The following PLS1 variants were observed in gnomAD, a reference collection of about 807,000 sequenced individuals.
PLS1 encodes the protein plastin-1.
Under a neutral mutation model 73.7 loss-of-function variants are expected in PLS1, and 32 were observed. The observed-to-expected ratio is 0.43, with a 90% confidence interval of 0.33 to 0.58. The LOEUF is 0.58. Among genes scored for constraint, PLS1 ranks in the 20% least tolerant of loss-of-function variants. The pLI, the probability that PLS1 is intolerant of heterozygous loss-of-function variation, is 0.04. For missense variants in PLS1, 633 were observed against 740.5 expected, an observed-to-expected ratio of 0.85 and a Z score of 1.68; for synonymous variants, 217 against 261.3, an observed-to-expected ratio of 0.83 and a Z score of 1.63.
intron 6 of PLS1, among the ~76,000 whole-genome samples, chr3:142,681,843 A>C (rs1314511736): frequency 6.6e-6 from 1 of 152,206 alleles, no homozygotes; most frequent in Non-Finnish European, 1.5e-5. Context: ...AGAAACTACC[A>C]TTTACTTGAA....
chr3:142,601,139 A>G (rs2108532519), intron 1 of PLS1, among the ~76,000 whole-genome samples: 2 of 149,300 alleles, frequency 1.3e-5, no homozygotes, highest in Admixed American at 1.3e-4. Flanking sequence ...GTTAGCCAGG[A>G]TGGTCTCGAT....
chr3:142,646,598 C>G (rs1013285885), intron 1 of PLS1, among the ~76,000 whole-genome samples: 1 of 152,246 alleles, frequency 6.6e-6, no homozygotes, highest in Non-Finnish European at 1.5e-5. Flanking sequence ...CACACAACAT[C>G]CTGGGAACTA....
chr3:142,599,184 ATAAATAAAT>A (rs2035867078), intron 1 of PLS1, among the ~76,000 whole-genome samples: 1 of 147,384 alleles, frequency 6.8e-6, no homozygotes, highest in African/African-American at 2.5e-5. Context: ...GAATGAATAA[ATAAATAAAT>A]AAATAAATAA....
chr3:142,701,813 C>A (rs1367357323), intron 12 of PLS1, among the ~76,000 whole-genome samples: 1 of 152,192 alleles, frequency 6.6e-6, no homozygotes, highest in African/African-American at 2.4e-5. Flanking sequence ...GTGATTACTG[C>A]AGTTTGCTAT....
intron 1 of PLS1, among the ~76,000 whole-genome samples, chr3:142,661,166 C>T (rs922932670): frequency 6.6e-6 from 1 of 152,102 alleles, no homozygotes; most frequent in Non-Finnish European, 1.5e-5. Flanking sequence ...CCTAAAAAAA[C>T]TATTTAATCT....
intron 1 of PLS1, among the ~76,000 whole-genome samples, chr3:142,625,935 C>T (rs1577792484): frequency 1.3e-5 from 2 of 152,324 alleles, no homozygotes; most frequent in African/African-American, 4.8e-5. Context: ...AATTGTGCCA[C>T]TGCACTCCAG....
At chr3:142,602,639 A>T (rs1023179931) in intron 1 of PLS1, among the ~76,000 whole-genome samples, 3 of 151,984 alleles carry the variant, frequency 2.0e-5, no homozygotes, top group Non-Finnish European at 2.9e-5. Flanking sequence ...ACCTGTGAGA[A>T]AATGTGCTCC....
At chr3:142,619,041 G>A (rs1173068587) in intron 1 of PLS1, among the ~76,000 whole-genome samples, 1 of 152,120 alleles carries the variant, frequency 6.6e-6, no homozygotes, top group Non-Finnish European at 1.5e-5. Flanking sequence ...TACCAGCAGG[G>A]CTCCAAGCAT....
chr3:142,656,466 A>G (rs1466528383), intron 1 of PLS1: 1 of 152,226 alleles, frequency 6.6e-6, no homozygotes, highest in Non-Finnish European at 1.5e-5. Flanking sequence ...ATGATATCCC[A>G]ATTCATACTT....
At chr3:142,616,985 A>C (rs2036227093) in intron 1 of PLS1, among the ~76,000 whole-genome samples, 1 of 152,182 alleles carries the variant, frequency 6.6e-6, no homozygotes, top group Non-Finnish European at 1.5e-5. Context: ...AGGTCATTTA[A>C]TTGCAGTTTC....
chr3:142,629,279 T>C (rs1983435), intron 1 of PLS1, among the ~76,000 whole-genome samples: 91,503 of 151,652 alleles, frequency 0.6, 28,268 homozygotes, highest in African/African-American at 0.73. Context: ...TTACTGCAAC[T>C]TCTGCCTCCT....
intron 1 of PLS1, among the ~76,000 whole-genome samples, chr3:142,641,769 T>TTCTTGGG (rs1244452065): frequency 1.3e-5 from 2 of 152,126 alleles, no homozygotes; most frequent in African/African-American, 4.8e-5. Flanking sequence ...GGGTTCTGGG[T>TTCTTGGG]TTCTTTAGGG....
chr3:142,690,307 A>G (rs1413364637), intron 10 of PLS1, among the ~76,000 whole-genome samples: 1 of 152,040 alleles, frequency 6.6e-6, no homozygotes, highest in African/African-American at 2.4e-5. Context: ...TGCAGATTTG[A>G]CCCCTCCTAA....
intron 12 of PLS1, among the ~76,000 whole-genome samples, chr3:142,703,279 A>C (rs2038369353): frequency 6.9e-6 from 1 of 145,340 alleles, no homozygotes; most frequent in Non-Finnish European, 1.5e-5. Flanking sequence ...TTCATCTTGG[A>C]TAGTCAAGAA....
At chr3:142,640,545 C>T (rs1263901187) in intron 1 of PLS1, among the ~76,000 whole-genome samples, 2 of 151,984 alleles carry the variant, frequency 1.3e-5, no homozygotes, top group African/African-American at 4.8e-5. Context: ...GAAGACTACA[C>T]AAGAGAAATG....
chr3:142,657,162 A>G (rs921140272), intron 1 of PLS1: 3 of 152,390 alleles, frequency 2.0e-5, no homozygotes, highest in Admixed American at 1.3e-4. Context: ...CCCTTGGCTT[A>G]GTCGGCAGAT....
At chr3:142,669,820 G>A (rs1054564282) in intron 3 of PLS1, among the ~76,000 whole-genome samples, 3 of 152,192 alleles carry the variant, frequency 2.0e-5, no homozygotes, top group African/African-American at 7.2e-5. Context: ...AACTAGGTGA[G>A]TTCAATGCTT....
intron 9 of PLS1, among the ~76,000 whole-genome samples, 196 bp from the exon 10 acceptor site, chr3:142,689,422 C>CTAAATAAA: frequency 8.5e-6 from 1 of 118,078 alleles, no homozygotes. Context: ...GACTCTGTCT[C>CTAAATAAA]TAAATACATA....
At chr3:142,608,102 C>T (rs925524100) in intron 1 of PLS1, among the ~76,000 whole-genome samples, 3 of 152,158 alleles carry the variant, frequency 2.0e-5, no homozygotes, top group Admixed American at 6.5e-5. Flanking sequence ...GCTTTGGCCT[C>T]CCAAACTGCT....
Sources: allele counts gnomAD v4.1 joint callset (sites outside exome capture counted in the v4.1 genomes callset), GRCh38; gene constraint gnomAD v4.1.1; transcripts MANE v1.5; gene names NCBI Gene and HGNC (gene_info 2026-07-23, HGNC 2026-07-21).